Variants in ARSB observed in about 807,000 individuals in gnomAD.
ARSB encodes arylsulfatase B.
ARSB carries 41 observed loss-of-function variants against 50.9 expected under a neutral mutation model. The ratio of observed to expected loss-of-function variants is 0.81; its 90% confidence interval spans 0.63 to 1.04. The LOEUF (loss-of-function observed/expected upper bound fraction) is 1.04. ARSB is among the 50% of genes least tolerant of loss of function. The pLI is 0.00. For missense variants in ARSB, 672 were observed against 693.3 expected, an observed-to-expected ratio of 0.97 and a Z score of 0.35; for synonymous variants, 269 against 284.8, an observed-to-expected ratio of 0.94 and a Z score of 0.56.
chr5:78,804,816 T>C (rs1301996181), intron 6 of ARSB, among the ~76,000 whole-genome samples: 1 of 152,182 alleles, frequency 6.6e-6, no homozygotes, highest in Non-Finnish European at 1.5e-5. Context: ...GCTGAGGGAA[T>C]GGGCAAATGC....
intron 4 of ARSB, among the ~76,000 whole-genome samples, chr5:78,907,680 G>A (rs1056860623): frequency 1.3e-5 from 2 of 152,198 alleles, no homozygotes; most frequent in Admixed American, 6.5e-5. Flanking sequence ...GACTGCTCCT[G>A]TTAGAAGACA....
chr5:78,821,964 C>T (rs574124457), intron 6 of ARSB, among the ~76,000 whole-genome samples: 1 of 152,256 alleles, frequency 6.6e-6, no homozygotes, highest in Non-Finnish European at 1.5e-5. Context: ...GGGGATACTG[C>T]AGGAGTGTAT....
rs145573239 is a variant in ARSB, at chr5:78,923,486, T to C, written c.898+31809A>G. Among the ~76,000 whole-genome samples the C allele has an allele frequency of 4.1e-3, 619 of 152,354 alleles. 3 individuals are homozygous for C. Among genetic ancestry groups the C allele is most frequent in the Middle Eastern group, 6.8e-3 (2 of 294 alleles). ...TGCTTCAAGCATCTGCAGTGATGCA[T>C]AGACGCGTCTACAAGAGACACTGTC... On this transcript the variant is annotated intron_variant, in intron 4 of 7. Coordinates refer to ENST00000264914, the MANE Select transcript of ARSB (RefSeq NM_000046.5).
At chr5:78,880,510 T>C (rs1172363430) in intron 5 of ARSB, among the ~76,000 whole-genome samples, 2 of 152,184 alleles carry the variant, frequency 1.3e-5, no homozygotes, top group African/African-American at 2.4e-5. Context: ...TCAAAAATGA[T>C]TGGATATCAA....
At chr5:78,839,947 C>T (rs549252266) in intron 5 of ARSB, among the ~76,000 whole-genome samples, 150 of 152,336 alleles carry the variant, frequency 9.8e-4, no homozygotes, top group African/African-American at 3.6e-3. Context: ...ACCTAGATCT[C>T]TTTAAGGCTT....
intron 4 of ARSB, among the ~76,000 whole-genome samples, chr5:78,922,202 TG>T (rs1303788425): frequency 1.9e-4 from 7 of 37,242 alleles, no homozygotes; most frequent in South Asian, 2.2e-3. Flanking sequence ...GTGGATTTGG[TG>T]GGGGGGGAGG....
rs547387343 is a variant in ARSB at position 78,786,261 on chromosome 5, G to A, written c.1214-4287C>T. ...AGGATCAGACAATATGTGGCCTTTC[G>A]TGTCTGGCTTCTTTCACTTGGCATA... On this transcript the variant is annotated intron_variant, in intron 6 of 7. Transcript: ENST00000264914. 1.4e-3 allele frequency among the ~76,000 whole-genome samples: 211 copies of A among 152,218 alleles called. 1 individual carries two copies. The highest frequency in any genetic ancestry group is 4.4e-3 in the Admixed American group (67 of 15,300).
chr5:78,862,794 A>C (rs544159945), intron 5 of ARSB, among the ~76,000 whole-genome samples: 1 of 152,362 alleles, frequency 6.6e-6, no homozygotes. Flanking sequence ...CAGCAAAAAG[A>C]AACTACCATC....
intron 4 of ARSB, among the ~76,000 whole-genome samples, chr5:78,914,096 G>A (rs1749437053): frequency 6.6e-6 from 1 of 151,718 alleles, no homozygotes; most frequent in Non-Finnish European, 1.5e-5. Flanking sequence ...CTGAGTAGCT[G>A]GGATTACAGA....
At chr5:78,905,342 C>CTTTTT (rs1207775365) in intron 4 of ARSB, among the ~76,000 whole-genome samples, 1 of 48,070 alleles carries the variant, frequency 2.1e-5, no homozygotes, top group African/African-American at 7.0e-5. Context: ...TCGTATTTTC[C>CTTTTT]TGTTTTTTTT....
intron 5 of ARSB, among the ~76,000 whole-genome samples, chr5:78,859,730 AGT>A (rs1430324662): frequency 6.6e-6 from 1 of 151,902 alleles, no homozygotes; most frequent in East Asian, 1.9e-4. Flanking sequence ...AAAAAAAAAG[AGT>A]GATGATCTTC....
chr5:78,884,190 G>T (rs151233840), intron 5 of ARSB: 3 of 152,328 alleles, frequency 2.0e-5, no homozygotes, highest in Admixed American at 6.5e-5. Flanking sequence ...TTCTGGAAAT[G>T]TGGGTGCAGT....
intron 5 of ARSB, among the ~76,000 whole-genome samples, chr5:78,849,457 T>A (rs930500577): frequency 6.6e-6 from 1 of 151,718 alleles, no homozygotes; most frequent in South Asian, 2.1e-4. Flanking sequence ...CATGCTGTTT[T>A]GGTTACTGTA....
chr5:78,959,238 C>T (rs55681939), intron 3 of ARSB, among the ~76,000 whole-genome samples: 1,639 of 152,242 alleles, frequency 0.011, 34 homozygotes, highest in African/African-American at 0.037. Context: ...GACTTGTTTG[C>T]TTCCCCTTCC....
chr5:78,928,559 G>A (rs1445941382), intron 4 of ARSB, among the ~76,000 whole-genome samples: 2 of 151,960 alleles, frequency 1.3e-5, no homozygotes, highest in East Asian at 1.9e-4. Context: ...CAGGTGATCC[G>A]CCCACCTCGG....
intron 4 of ARSB, among the ~76,000 whole-genome samples, chr5:78,913,503 T>C (rs897141842): frequency 6.6e-6 from 1 of 152,252 alleles, no homozygotes; most frequent in African/African-American, 2.4e-5. Context: ...CTATTTTTCC[T>C]ATCCTGTTGT....
chr5:78,778,446 T>G lies in ARSB; in HGVS notation c.*1951A>C, dbSNP rs149854678. The G allele has an allele frequency of 6.6e-6, 1 of 152,360 alleles. No individual in the cohort carries two copies. The highest frequency in any genetic ancestry group is 1.9e-4 in the East Asian group (1 of 5,188). 9.4% of individuals were successfully genotyped at this position (152,360 alleles called of 1,614,324 possible). On this transcript the variant is annotated 3_prime_UTR_variant, in exon 8 of 8. Transcript: ENST00000264914. ...ATTATTTGTTGCTTTTAGTTTCTAG[T>G]GTCCCATAAAGTATAGAAATGGAAA...
intron 4 of ARSB, among the ~76,000 whole-genome samples, chr5:78,905,910 CAAAA>C (rs57651882): frequency 6.4e-5 from 6 of 94,416 alleles, no homozygotes; most frequent in Middle Eastern, 7.2e-3. Context: ...AGCAAAGTAG[CAAAA>C]AAAAAAAAAA....
At chr5:78,852,649 T>G (rs1206594179) in intron 5 of ARSB, among the ~76,000 whole-genome samples, 24 of 152,276 alleles carry the variant, frequency 1.6e-4, no homozygotes, top group Middle Eastern at 6.8e-3. Context: ...TCCTGCAGAG[T>G]GTTTTCCAAC....
Sources: gnomAD v4.1 joint callset for allele counts (sites outside exome capture counted in the v4.1 genomes callset) on GRCh38, gnomAD v4.1.1 for gene constraint, MANE v1.5 for transcripts, NCBI Gene and HGNC (gene_info 2026-07-23, HGNC 2026-07-21) for gene names.